Variants in LMLN observed in about 807,000 individuals in gnomAD.
LMLN encodes leishmanolysin-like peptidase.
Under a neutral mutation model 92.3 loss-of-function variants are expected in LMLN, and 70 were observed. That is an observed-to-expected ratio of 0.76 (90% confidence interval 0.63 to 0.92). The LOEUF (loss-of-function observed/expected upper bound fraction) is 0.92. LMLN is among the 40% of genes least tolerant of loss of function. The probability of loss-of-function intolerance (pLI) is 0.00; values close to 1 mark genes in which losing one functional copy is unlikely to be tolerated. For synonymous variants in LMLN, 308 were observed against 296.2 expected, an observed-to-expected ratio of 1.04 and a Z score of -0.41; for missense variants, 691 against 814.6, an observed-to-expected ratio of 0.85 and a Z score of 1.85.
At chr3:198,010,938 C>A (rs984582486) in intron 11 of LMLN, among the ~76,000 whole-genome samples, 1 of 151,600 alleles carries the variant, frequency 6.6e-6, no homozygotes, top group African/African-American at 2.4e-5. Flanking sequence ...CTTTGAGATT[C>A]TTCTTTGACC....
In LMLN at chr3:197,974,477, A is replaced by G; in HGVS notation, c.317+3A>G. The G allele has an allele frequency of 1.4e-6, 2 of 1,398,484 alleles. No individual in the cohort carries two copies. The highest frequency in any genetic ancestry group is 2.0e-6 in the Non-Finnish European group (2 of 1,006,412). The allele number at this position is 1,398,484 out of a possible 1,614,324, so 86.6% of individuals were successfully genotyped here. On this transcript the variant is annotated splice_donor_region_variant and intron_variant, in intron 2 of 15. Transcript: ENST00000330198. The stretch of plus-strand genomic sequence containing the variant: ...GTCTATGATAAAAGTGTTGAAGAGT[A>G]AGTACACCATTGTATTGTCATCTTT...
At chr3:197,967,139 T>C (rs1016393142) in intron 1 of LMLN, among the ~76,000 whole-genome samples, 16 of 152,224 alleles carry the variant, frequency 1.1e-4, no homozygotes, top group Non-Finnish European at 4.4e-5. Flanking sequence ...TTTTTAATTT[T>C]ATTTTTTAAA....
chr3:198,027,218 G>A (rs1722956632), intron 14 of LMLN, among the ~76,000 whole-genome samples: 1 of 151,710 alleles, frequency 6.6e-6, no homozygotes, highest in African/African-American at 2.4e-5. Flanking sequence ...CTCGTCACCC[G>A]GCCAACTCTG....
chr3:198,014,429 T>A (rs1188833668), intron 11 of LMLN, among the ~76,000 whole-genome samples: 6 of 95,398 alleles, frequency 6.3e-5, no homozygotes, highest in Admixed American at 9.5e-5. Flanking sequence ...CTCTCCACCC[T>A]TCAGAGCCCC....
At chr3:198,005,669 C>T (rs1216840651) in intron 11 of LMLN, among the ~76,000 whole-genome samples, 23 of 147,582 alleles carry the variant, frequency 1.6e-4, no homozygotes, top group Non-Finnish European at 3.0e-5. Context: ...GAGTCTCACT[C>T]TGTTGCCCAG....
intron 10 of LMLN, among the ~76,000 whole-genome samples, chr3:197,997,346 C>G (rs1325761260): frequency 6.6e-6 from 1 of 152,106 alleles, no homozygotes; most frequent in African/African-American, 2.4e-5. Flanking sequence ...GTTGCCCAGG[C>G]TGACCTCAAA....
intron 13 of LMLN, among the ~76,000 whole-genome samples, chr3:198,024,302 G>A (rs529914389): frequency 2.4e-4 from 35 of 146,792 alleles, no homozygotes; most frequent in Non-Finnish European, 4.2e-4. Context: ...TGCAAGCTCC[G>A]CCTCCCGGGT....
chr3:197,989,771 C>T (rs1355711219), intron 8 of LMLN, among the ~76,000 whole-genome samples: 1 of 152,186 alleles, frequency 6.6e-6, no homozygotes, highest in Non-Finnish European at 1.5e-5. Context: ...CCTGTAATCC[C>T]AGAGCTTTGA....
exon 16 of LMLN, chr3:198,040,868 C>T (rs1460895022): frequency 7.5e-6 from 1 of 132,816 alleles, no homozygotes; most frequent in Admixed American, 7.7e-5. Flanking sequence ...TCCTCCATGG[C>T]ATTGTAACCA....
At chr3:197,971,352 T>G (rs764197751) in intron 1 of LMLN, among the ~76,000 whole-genome samples, 5 of 152,158 alleles carry the variant, frequency 3.3e-5, no homozygotes, top group Non-Finnish European at 7.3e-5. Context: ...GCCAGAGGCT[T>G]GCTTATAAAA....
chr3:198,034,777 G>A (rs1366571911), intron 14 of LMLN, among the ~76,000 whole-genome samples: 1 of 152,172 alleles, frequency 6.6e-6, no homozygotes, highest in East Asian at 1.9e-4. Flanking sequence ...AAATTCCTGT[G>A]ACTGAGCAGA....
intron 1 of LMLN, among the ~76,000 whole-genome samples, chr3:197,970,286 G>A (rs889040424): frequency 6.6e-6 from 1 of 152,164 alleles, no homozygotes; most frequent in African/African-American, 2.4e-5. Context: ...TAATTGTGTT[G>A]AGGATTCCCA....
intron 14 of LMLN, among the ~76,000 whole-genome samples, chr3:198,028,371 G>C (rs537626576): frequency 1.3e-5 from 2 of 152,332 alleles, no homozygotes; most frequent in Admixed American, 6.5e-5. Flanking sequence ...TAAGATAAAT[G>C]AGTTGTTGAA....
chr3:197,963,607 C>G (rs1180389630), intron 1 of LMLN, among the ~76,000 whole-genome samples: 1 of 152,188 alleles, frequency 6.6e-6, no homozygotes, highest in Non-Finnish European at 1.5e-5. Context: ...TAAAAATACA[C>G]TGCTAGTAGG....
At chr3:197,993,425 C>G (rs1459640399) in intron 9 of LMLN, among the ~76,000 whole-genome samples, 1 of 151,868 alleles carries the variant, frequency 6.6e-6, no homozygotes, top group African/African-American at 2.4e-5. Flanking sequence ...ACAAAATCAA[C>G]ACACAAAAAT....
chr3:197,994,877 C>T (rs550669274), intron 9 of LMLN, among the ~76,000 whole-genome samples: 1 of 152,350 alleles, frequency 6.6e-6, no homozygotes, highest in South Asian at 2.1e-4. Flanking sequence ...GATTTGAAAT[C>T]AGTTTGTCAA....
At chr3:197,987,326 AT>A (rs527864566) in intron 8 of LMLN, among the ~76,000 whole-genome samples, 2 of 150,980 alleles carry the variant, frequency 1.3e-5, no homozygotes, top group Non-Finnish European at 2.9e-5. Flanking sequence ...CGCCCGGCTG[AT>A]TTTTTGTATT....
At chr3:198,035,593 C>A (rs963535254) in intron 14 of LMLN, among the ~76,000 whole-genome samples, 1 of 151,924 alleles carries the variant, frequency 6.6e-6, no homozygotes, top group Non-Finnish European at 1.5e-5. Context: ...GATCTCTTGA[C>A]CTCATGATCT....
chr3:197,964,200 T>G (rs1720983465), intron 1 of LMLN, among the ~76,000 whole-genome samples: 1 of 152,144 alleles, frequency 6.6e-6, no homozygotes, highest in Non-Finnish European at 1.5e-5. Flanking sequence ...CTTTGTTATT[T>G]CCTTTTTCTA....
Sources: allele counts gnomAD v4.1 joint callset (sites outside exome capture counted in the v4.1 genomes callset), GRCh38; gene constraint gnomAD v4.1.1; transcripts MANE v1.5; gene names NCBI Gene and HGNC (gene_info 2026-07-23, HGNC 2026-07-21).